The following ALKBH5 variants were observed in gnomAD, a reference collection of about 807,000 sequenced individuals.
The protein encoded by ALKBH5 is alkB homolog 5, RNA demethylase.
Under a neutral mutation model 32.1 loss-of-function variants are expected in ALKBH5, and 2 were observed. The observed-to-expected ratio is 0.06, with a 90% CI of 0.03 to 0.20. The LOEUF (loss-of-function observed/expected upper bound fraction) is 0.20. ALKBH5 is among the 10% of genes least tolerant of loss of function. The probability of loss-of-function intolerance (pLI) is 1.00; values close to 1 mark genes in which losing one functional copy is unlikely to be tolerated. For missense variants in ALKBH5, 352 were observed against 559.5 expected (o/e 0.63, Z 3.74); for synonymous variants, 300 against 231.7 (o/e 1.29, Z -2.68).
intron 2 of ALKBH5, among the ~76,000 whole-genome samples, chr17:18,195,379 A>C (rs962667712): frequency 6.6e-6 from 1 of 151,834 alleles, no homozygotes; most frequent in Admixed American, 6.6e-5. Context: ...TGTTACACGT[A>C]CTCTTGGTGA....
intron 1 of ALKBH5, among the ~76,000 whole-genome samples, chr17:18,191,678 G>A (rs902498243): frequency 1.3e-5 from 2 of 152,120 alleles, no homozygotes; most frequent in Admixed American, 6.5e-5. Flanking sequence ...ACTTAGAAAC[G>A]TGCCTCTGGG....
chr17:18,185,264 C>A (rs561575761), intron 1 of ALKBH5, among the ~76,000 whole-genome samples: 1 of 152,076 alleles, frequency 6.6e-6, no homozygotes, highest in African/African-American at 2.4e-5. Flanking sequence ...GAGAATTCAT[C>A]GAAAGCCATC....
chr17:18,186,104 T>C (rs1002009183), intron 1 of ALKBH5, among the ~76,000 whole-genome samples: 1 of 152,192 alleles, frequency 6.6e-6, no homozygotes, highest in East Asian at 1.9e-4. Context: ...TCTGTTTCAT[T>C]TGAGTCTAAC....
intron 1 of ALKBH5, 74 bp from the exon 2 acceptor site, chr17:18,194,881 G>A: frequency 3.0e-6 from 4 of 1,333,750 alleles, no homozygotes; most frequent in Non-Finnish European, 2.1e-6. Context: ...CCATGTTCCT[G>A]TCCTGTTATA....
chr17:18,190,701 T>A (rs73980819), intron 1 of ALKBH5, among the ~76,000 whole-genome samples: 2,632 of 152,240 alleles, frequency 0.017, 54 homozygotes, highest in African/African-American at 0.05. Flanking sequence ...TCATTTAGTG[T>A]CCACTGTGCA....
chr17:18,195,331 C>T (rs1326455851), intron 2 of ALKBH5, among the ~76,000 whole-genome samples: 1 of 152,202 alleles, frequency 6.6e-6, no homozygotes, highest in Non-Finnish European at 1.5e-5. Flanking sequence ...CCTCACCCCA[C>T]CCCTTAGCCT....
chr17:18,201,286 G>C (rs561924490), intron 2 of ALKBH5, among the ~76,000 whole-genome samples: 1 of 152,232 alleles, frequency 6.6e-6, no homozygotes, highest in South Asian at 2.1e-4. Flanking sequence ...CCTTTTGGCA[G>C]CCTGACTGTT....
At position 18,184,603 on chromosome 17, in the gene ALKBH5, C is replaced by G; in HGVS notation, c.360C>G (p.Asn120Lys). The change falls in exon 1 of 4, where the codon AAC (asparagine) becomes AAG (lysine). Residue 120 changes from asparagine (N) to lysine (K), a missense_variant. By Grantham distance (94) the Asn-to-Lys change is moderately conservative (BLOSUM62 0). Coordinates refer to ENST00000399138, the MANE Select transcript of ALKBH5 (RefSeq NM_017758.4). ...VVSRAEKGLY[N>K]EHTVDRAPLR... ...CCCGCGCTGAGAAGGGCCTGTACAA[C>G]GAGCACACGGTGGACCGGGCCCCAC... 1 of 1,613,340 alleles carries G rather than the reference C, an allele frequency of 6.2e-7. No homozygotes were observed.
intron 1 of ALKBH5, among the ~76,000 whole-genome samples, chr17:18,189,107 G>A (rs1213266353): frequency 6.6e-6 from 1 of 152,102 alleles, no homozygotes; most frequent in Non-Finnish European, 1.5e-5. Context: ...GCCGGGCGCG[G>A]TGGCTCACGC....
At chr17:18,191,279 G>A (rs1444754456) in intron 1 of ALKBH5, among the ~76,000 whole-genome samples, 1 of 152,194 alleles carries the variant, frequency 6.6e-6, no homozygotes, top group African/African-American at 2.4e-5. Flanking sequence ...TCTGAGGAAA[G>A]GGTCAGTGGG....
chr17:18,204,233 C>T (rs2047257160), intron 2 of ALKBH5, among the ~76,000 whole-genome samples: 1 of 152,104 alleles, frequency 6.6e-6, no homozygotes, highest in South Asian at 2.1e-4. Flanking sequence ...GGGCAGATCA[C>T]CTGAGGTCGG....
rs777853741 is a variant in ALKBH5 at position 18,208,437 on chromosome 17, C to T, written c.*41C>T. ...TCCTGGGAACTCTGGCTCATCCTTA[C>T]GTAGTTGCCCCTCCTTTTGTTTTGA... On this transcript the variant is annotated 3_prime_UTR_variant, in exon 4 of 4. Coordinates refer to ENST00000399138, the MANE Select transcript of ALKBH5 (RefSeq NM_017758.4). The T allele has an allele frequency of 1.3e-5, 21 of 1,601,056 alleles. No individual in the cohort carries two copies. Among genetic ancestry groups the T allele is most frequent in the African/African-American group, 6.8e-5 (5 of 73,792 alleles).
At chr17:18,205,291 A>G (rs1223771731) in intron 2 of ALKBH5, among the ~76,000 whole-genome samples, 2 of 152,146 alleles carry the variant, frequency 1.3e-5, no homozygotes, top group Admixed American at 1.3e-4. Context: ...TGCCAAAACT[A>G]GATCATCCTC....
chr17:18,201,845 TA>T (rs1159997182), intron 2 of ALKBH5, among the ~76,000 whole-genome samples: 1 of 79,054 alleles, frequency 1.3e-5, no homozygotes, highest in Non-Finnish European at 3.2e-5. Flanking sequence ...AGATGATAGA[TA>T]GATTGATTGA....
chr17:18,185,203 T>C (rs2142466261), intron 1 of ALKBH5, among the ~76,000 whole-genome samples, 190 bp downstream of exon 1: 1 of 152,304 alleles, frequency 6.6e-6, no homozygotes, highest in East Asian at 1.9e-4. Flanking sequence ...AGGGAACCGA[T>C]GTGGAAATCC....
At chr17:18,196,188 A>G (rs1462910475) in intron 2 of ALKBH5, among the ~76,000 whole-genome samples, 2 of 151,212 alleles carry the variant, frequency 1.3e-5, no homozygotes, top group Admixed American at 6.6e-5. Context: ...TCTTGGCTGT[A>G]ACAGTTTCTC....
chr17:18,194,638 A>G (rs1430791746), intron 1 of ALKBH5, among the ~76,000 whole-genome samples: 1 of 152,190 alleles, frequency 6.6e-6, no homozygotes, highest in African/African-American at 2.4e-5. Flanking sequence ...GAGGAGCTAC[A>G]GTGTACTCTC....
chr17:18,188,299 G>A lies in ALKBH5; in HGVS notation c.770+3286G>A, dbSNP rs887326729. On this transcript the variant is annotated intron_variant, in intron 1 of 3. Transcript: ENST00000399138. ...CTGCTATCTTTAATCACTGCTACGTGGTCTGTGGTGTGGTGGCCACATGCC... is the reference window on the plus strand; with the variant it reads ...CTGCTATCTTTAATCACTGCTACGTAGTCTGTGGTGTGGTGGCCACATGCC... Among the ~76,000 whole-genome samples, 8 of 152,364 alleles carry A rather than the reference G, an allele frequency of 5.3e-5. No individual in the cohort carries two copies. The East Asian group carries it at 1.3e-3, about 26-fold the overall frequency.
At position 18,184,192 on chromosome 17, in the gene ALKBH5, GCCCGGCTGC is replaced by G; in HGVS notation, c.-47_-39del. 2 of 1,433,106 alleles carry G rather than the reference GCCCGGCTGC, an allele frequency of 1.4e-6. No homozygotes were observed. Among genetic ancestry groups the G allele is most frequent in the Non-Finnish European group, 1.8e-6 (2 of 1,090,308 alleles). 88.8% of individuals were successfully genotyped at this position (1,433,106 alleles called of 1,614,324 possible). On this transcript the variant is annotated 5_prime_UTR_variant, in exon 1 of 4. Coordinates refer to ENST00000399138, the MANE Select transcript of ALKBH5 (RefSeq NM_017758.4). The stretch of plus-strand genomic sequence containing the variant: ...CCGGGGCGCGTCCCCTTAGAGCCAT[GCCCGGCTGC>G]CCCGCCCGCCCCGGAGGACCCTAGA...
Sources: allele counts gnomAD v4.1 joint callset (sites outside exome capture counted in the v4.1 genomes callset), GRCh38; gene constraint gnomAD v4.1.1; transcripts MANE v1.5; gene names NCBI Gene and HGNC (gene_info 2026-07-23, HGNC 2026-07-21).